Variants in SULF2 observed in about 807,000 individuals in gnomAD.
SULF2 encodes the protein sulfatase 2, also known as extracellular sulfatase Sulf-2.
A neutral mutation model predicts 107.7 loss-of-function variants in SULF2; 52 were observed. The observed-to-expected ratio is 0.48, with a 90% confidence interval of 0.39 to 0.61. The LOEUF is 0.61. Ranked by LOEUF, SULF2 falls within the 20% of genes least tolerant of loss-of-function variation. The pLI, the probability that SULF2 is intolerant of heterozygous loss-of-function variation, is 0.00. For missense variants in SULF2, 993 were observed against 1,177.3 expected, an observed-to-expected ratio of 0.84 and a Z score of 2.29; for synonymous variants, 460 against 464.3, an observed-to-expected ratio of 0.99 and a Z score of 0.12.
rs375623139 is a variant in SULF2, at chr20:47,736,890, C to T, written c.228G>A (p.Ala76=). 81 of 1,614,096 alleles carry T rather than the reference C, an allele frequency of 5.0e-5. No individual in the cohort carries two copies. In the Admixed American group the frequency reaches 1.1e-3, roughly 22 times the overall value. ...KTRRIMEQGG[A]HFINAFVTTP... The stretch of plus-strand genomic sequence containing the variant: ...TGGTCACGAAGGCGTTGATGAAGTG[C>T]GCCCCGCCCTGCTCCATGATGCGCC... Residue 76 remains alanine (A), a synonymous_variant, in exon 3 of 21, where the codon GCG becomes GCA. Transcript: ENST00000688720.
chr20:47,741,661 A>T (rs149733955), intron 2 of SULF2, among the ~76,000 whole-genome samples: 2 of 152,180 alleles, frequency 1.3e-5, no homozygotes, highest in Admixed American at 1.3e-4. Context: ...GGGCACCCCA[A>T]GTGGAATCGA....
intron 3 of SULF2, among the ~76,000 whole-genome samples, chr20:47,720,792 T>C (rs2089273458): frequency 6.6e-6 from 1 of 152,138 alleles, no homozygotes; most frequent in South Asian, 2.1e-4. Context: ...ACTGGGCCAC[T>C]TTCATGATCT....
intron 3 of SULF2, among the ~76,000 whole-genome samples, chr20:47,705,208 G>A (rs984440237): frequency 6.6e-6 from 1 of 152,196 alleles, no homozygotes; most frequent in Non-Finnish European, 1.5e-5. Flanking sequence ...TGGGTACACA[G>A]GGGAGGTGAA....
At chr20:47,726,466 C>T (rs1348360118) in intron 3 of SULF2, among the ~76,000 whole-genome samples, 2 of 152,070 alleles carry the variant, frequency 1.3e-5, no homozygotes, top group Non-Finnish European at 1.5e-5. Flanking sequence ...CCTCCTGCCT[C>T]GACCTTTCCA....
chr20:47,672,334 G>A lies in SULF2; in HGVS notation c.1440C>T (p.Pro480=), dbSNP rs773918163. 1.2e-6 allele frequency: 2 copies of A among 1,613,224 alleles called. No homozygotes were observed. Among genetic ancestry groups the A allele is most frequent in the South Asian group, 1.1e-5 (1 of 91,084 alleles). ...GKLKLHKCKG[P]MRLGGSRALS... ...GGGCTCTGCTGCCGCCCAGCCGCAT[G>A]GGGCCCTTGCACTTATGCAGCTTCA... is the stretch of plus-strand genomic sequence containing the variant. The change falls in exon 11 of 21, where the codon CCC becomes CCT. Residue 480 remains proline (P), a synonymous_variant. Coordinates refer to ENST00000688720, the MANE Select transcript of SULF2 (RefSeq NM_001387048.1).
chr20:47,761,618 ACT>A (rs1278754638), intron 1 of SULF2, among the ~76,000 whole-genome samples: 1 of 152,214 alleles, frequency 6.6e-6, no homozygotes, highest in Non-Finnish European at 1.5e-5. Context: ...TCGCGCTCGC[ACT>A]CTCTTTTGAA....
Position 47,736,702 on chromosome 20 carries a change from C to T in SULF2, c.415+1G>A. 1 of 1,614,228 alleles carries T rather than the reference C, an allele frequency of 6.2e-7. No individual in the cohort carries two copies. The highest frequency in any genetic ancestry group is 1.1e-5 in the South Asian group (1 of 91,082). On this transcript the variant is annotated splice_donor_variant, in intron 3 of 20. Transcript: ENST00000688720. LOFTEE classifies it high-confidence loss of function. ...CTGCACCTGCCCCCGTCCCTGCTCACCTGTCCGGTAGCCAGTGCTATTGAG... is the reference window on the plus strand; with the variant it reads ...CTGCACCTGCCCCCGTCCCTGCTCATCTGTCCGGTAGCCAGTGCTATTGAG...
intron 3 of SULF2, among the ~76,000 whole-genome samples, chr20:47,726,881 C>T (rs2146727738): frequency 6.6e-6 from 1 of 152,268 alleles, no homozygotes; most frequent in East Asian, 1.9e-4. Context: ...GCAGCTGTTT[C>T]AACGCCCACT....
At chr20:47,664,034 A>C in intron 15 of SULF2, 96 bp downstream of exon 15, 2 of 1,307,362 alleles carry the variant, frequency 1.5e-6, no homozygotes, top group Non-Finnish European at 2.2e-6. Flanking sequence ...AAGGGCCTGG[A>C]CTTCTTTCCT....
intron 7 of SULF2, among the ~76,000 whole-genome samples, chr20:47,681,720 C>A (rs1277915211): frequency 6.6e-6 from 1 of 152,236 alleles, no homozygotes. Context: ...TGGAGTCTCA[C>A]TGTGTCGCCC....
At chr20:47,662,879 G>A (rs965428072) in intron 17 of SULF2, among the ~76,000 whole-genome samples, 191 bp downstream of exon 17, 1 of 152,174 alleles carries the variant, frequency 6.6e-6, no homozygotes, top group Non-Finnish European at 1.5e-5. Context: ...AAAAAGCAGG[G>A]TGATGGAGGC....
At chr20:47,715,933 A>T (rs572662844) in intron 3 of SULF2, among the ~76,000 whole-genome samples, 6 of 152,200 alleles carry the variant, frequency 3.9e-5, no homozygotes, top group Admixed American at 3.3e-4. Flanking sequence ...TGAGTGGAGG[A>T]GTGGGTAGAA....
At chr20:47,742,307 G>A (rs1301198383) in intron 2 of SULF2, among the ~76,000 whole-genome samples, 2 of 152,238 alleles carry the variant, frequency 1.3e-5, no homozygotes, top group Non-Finnish European at 2.9e-5. Context: ...GAAAAGGCCA[G>A]TTTTCAAGCT....
intron 20 of SULF2, among the ~76,000 whole-genome samples, chr20:47,659,098 C>T (rs928885130): frequency 5.3e-5 from 8 of 152,198 alleles, no homozygotes; most frequent in African/African-American, 1.9e-4. Flanking sequence ...TAGCCACAGC[C>T]TTCAAGATGC....
rs1376884572 is a variant in SULF2, at chr20:47,665,287, T to C, written c.1909A>G (p.Thr637Ala). 6.2e-7 allele frequency: 1 copy of C among 1,611,004 alleles called. No individual in the cohort carries two copies. Among genetic ancestry groups the C allele is most frequent in the Non-Finnish European group, 8.5e-7 (1 of 1,177,406 alleles). The part of the protein sequence containing the change: ...HKLHIDHEIE[T>A]LQNKIKNLRE... ...AGGTTCTTAATTTTGTTCTGCAGGG[T>C]TTCAATCTGAGGGAGGGGCAGAAGA... Residue 637 changes from threonine (T) to alanine (A), a missense_variant, in exon 14 of 21, where the codon ACC becomes GCC. This residue lies in a region of SULF2 where 497 missense variants were observed against 544.1 expected (regional missense o/e 0.91). Coordinates refer to ENST00000688720, the MANE Select transcript of SULF2 (RefSeq NM_001387048.1).
intron 3 of SULF2, among the ~76,000 whole-genome samples, chr20:47,724,768 T>C (rs886391679): frequency 4.6e-5 from 7 of 152,196 alleles, no homozygotes; most frequent in African/African-American, 1.7e-4. Context: ...GGCCTGTCAC[T>C]CAATGGATAT....
intron 2 of SULF2, among the ~76,000 whole-genome samples, chr20:47,748,263 G>A (rs527288274): frequency 1.5e-4 from 23 of 152,272 alleles, no homozygotes; most frequent in African/African-American, 5.5e-4. Flanking sequence ...CCTGCCACAG[G>A]GCTCTTGCAC....
chr20:47,696,171 TCA>T (rs1157800279), intron 4 of SULF2, among the ~76,000 whole-genome samples: 2 of 152,194 alleles, frequency 1.3e-5, no homozygotes, highest in African/African-American at 2.4e-5. Context: ...TCTCTGGGCC[TCA>T]GTTTTCTCAT....
intron 5 of SULF2, among the ~76,000 whole-genome samples, chr20:47,688,116 G>GC (rs11483718): frequency 0.14 from 21,248 of 152,092 alleles, 1,824 homozygotes; most frequent in East Asian, 0.29. Context: ...CACAAGGCCT[G>GC]CCCCAGGAAA....
Sources: allele counts gnomAD v4.1 joint callset (sites outside exome capture counted in the v4.1 genomes callset), GRCh38; gene constraint gnomAD v4.1.1; regional missense constraint gnomAD v4.1.1; transcripts MANE v1.5; gene names NCBI Gene and HGNC (gene_info 2026-07-23, HGNC 2026-07-21).